Variants in MAD1L1 observed in about 807,000 individuals in gnomAD.
MAD1L1 encodes mitotic spindle assembly checkpoint protein MAD1.
A neutral mutation model predicts 96.9 loss-of-function variants in MAD1L1; 95 were observed. The ratio of observed to expected loss-of-function variants is 0.98; its 90% CI spans 0.83 to 1.16. The LOEUF (loss-of-function observed/expected upper bound fraction) is 1.16. Among genes scored for constraint, MAD1L1 ranks in the 50% most tolerant of loss-of-function variants. MAD1L1 has a pLI of 0.00. For missense variants in MAD1L1, 1,007 were observed against 954.4 expected (o/e 1.06, Z -0.73); for synonymous variants, 473 against 396.6 (o/e 1.19, Z -2.29).
At chr7:2,220,655 C>T (rs909496710) in intron 5 of MAD1L1, among the ~76,000 whole-genome samples, 41 of 152,210 alleles carry the variant, frequency 2.7e-4, no homozygotes, top group South Asian at 2.1e-4. Context: ...TCCCTGAGAA[C>T]GTGCCCAGCT....
At chr7:2,151,070 C>T (rs748246722) in intron 10 of MAD1L1, among the ~76,000 whole-genome samples, 11 of 152,230 alleles carry the variant, frequency 7.2e-5, no homozygotes, top group Admixed American at 1.3e-4. Flanking sequence ...TGACCATTCT[C>T]TCCAGTTTCC....
intron 12 of MAD1L1, among the ~76,000 whole-genome samples, chr7:2,058,765 G>A (rs1784496898): frequency 1.6e-5 from 2 of 121,706 alleles, no homozygotes; most frequent in Admixed American, 7.9e-5. Flanking sequence ...AAGCAGGGCT[G>A]GAGAGGGAGT....
chr7:1,905,142 T>C (rs1349107541), intron 17 of MAD1L1, among the ~76,000 whole-genome samples: 176 of 39,746 alleles, frequency 4.4e-3, no homozygotes, highest in Middle Eastern at 0.037. Flanking sequence ...TCTCGCGGAA[T>C]TCATGATTGA....
chr7:1,853,638 C>T (rs1784092529), intron 18 of MAD1L1, among the ~76,000 whole-genome samples: 1 of 152,202 alleles, frequency 6.6e-6, no homozygotes, highest in Non-Finnish European at 1.5e-5. Context: ...CCCCGCCGCC[C>T]TGCACACCCA....
At position 1,887,691 on chromosome 7, in the gene MAD1L1, G is replaced by A. The variant is rs370341776; in HGVS notation, c.1998+10509C>T. Among the ~76,000 whole-genome samples the A allele has an allele frequency of 2.1e-4, 32 of 151,470 alleles. 1 individual carries two copies. The East Asian group carries it at 4.5e-3, about 21-fold the overall frequency. On this transcript the variant is annotated intron_variant, in intron 18 of 18. Coordinates refer to ENST00000265854, the MANE Select transcript of MAD1L1 (RefSeq NM_001013836.2). Reference sequence around the variant, plus strand: ...TGTGTGAGCATGAATGCATGTGGGTGGCTGTGCATGCATAGGCATGTGTGT... The same window carrying A: ...TGTGTGAGCATGAATGCATGTGGGTAGCTGTGCATGCATAGGCATGTGTGT...
intron 11 of MAD1L1, among the ~76,000 whole-genome samples, chr7:2,095,769 A>G (rs546586236): frequency 1.3e-5 from 2 of 152,230 alleles, no homozygotes; most frequent in Admixed American, 1.3e-4. Context: ...TGAGGAGAGG[A>G]GGGCAAGGAC....
At chr7:2,096,092 C>A (rs566491644) in intron 11 of MAD1L1, among the ~76,000 whole-genome samples, 3 of 152,070 alleles carry the variant, frequency 2.0e-5, no homozygotes, top group South Asian at 2.1e-4. Context: ...GCAAGGCCGG[C>A]GGCCAAGGTG....
intron 12 of MAD1L1, among the ~76,000 whole-genome samples, chr7:2,052,997 G>A (rs1233559386): frequency 6.6e-6 from 1 of 152,182 alleles, no homozygotes; most frequent in Non-Finnish European, 1.5e-5. Flanking sequence ...CCTGAGGAGG[G>A]AACGGGTGGG....
intron 18 of MAD1L1, among the ~76,000 whole-genome samples, chr7:1,816,540 C>T (rs1689846244): frequency 6.6e-6 from 1 of 152,152 alleles, no homozygotes; most frequent in Admixed American, 6.5e-5. Flanking sequence ...GGCTCCAGCA[C>T]CTGTGCCAGG....
intron 10 of MAD1L1, among the ~76,000 whole-genome samples, chr7:2,184,782 A>G (rs1005032386): frequency 1.3e-5 from 2 of 152,172 alleles, no homozygotes; most frequent in African/African-American, 4.8e-5. Flanking sequence ...CAGGCGGATC[A>G]CCTGAAGTCA....
chr7:2,231,968 G>A (rs1429992040), intron 1 of MAD1L1, among the ~76,000 whole-genome samples: 2 of 152,182 alleles, frequency 1.3e-5, no homozygotes, highest in African/African-American at 4.8e-5. Context: ...AGTCTCAACA[G>A]GGTGGTGAAT....
intron 16 of MAD1L1, among the ~76,000 whole-genome samples, chr7:1,950,551 C>T (rs557292010): frequency 2.0e-5 from 3 of 152,224 alleles, no homozygotes; most frequent in East Asian, 1.9e-4. Context: ...AAACCCCAAT[C>T]GTCAGAAGGG....
At chr7:1,983,402 C>A (rs1345747041) in intron 14 of MAD1L1, among the ~76,000 whole-genome samples, 1 of 152,168 alleles carries the variant, frequency 6.6e-6, no homozygotes, top group African/African-American at 2.4e-5. Flanking sequence ...AATTTTGGGA[C>A]AACGTTTTTC....
chr7:2,122,394 G>A (rs1460663732), intron 11 of MAD1L1, among the ~76,000 whole-genome samples: 1 of 152,160 alleles, frequency 6.6e-6, no homozygotes, highest in Non-Finnish European at 1.5e-5. Flanking sequence ...TTAGTAGGCC[G>A]AGGCAGGCAG....
At chr7:2,097,793 C>G (rs1258844116) in intron 11 of MAD1L1, among the ~76,000 whole-genome samples, 1 of 152,190 alleles carries the variant, frequency 6.6e-6, no homozygotes, top group Non-Finnish European at 1.5e-5. Flanking sequence ...GGCCTTGAGG[C>G]TGCAGAGGCG....
intron 10 of MAD1L1, chr7:2,175,205 C>G (rs761185021): frequency 2.7e-4 from 41 of 152,258 alleles, no homozygotes; most frequent in Non-Finnish European, 5.1e-4. Context: ...CGCCTAATGC[C>G]CGCCCCGGCT....
Position 1,837,040 on chromosome 7 carries a change from T to C in MAD1L1, c.1999-20812A>G, listed in dbSNP as rs945536961. On this transcript the variant is annotated intron_variant, in intron 18 of 18. Transcript: ENST00000265854. ...AGAGAATGAAAAGACATGTCATATA[T>C]AAGGAGAGAACACCAGCAATGTACA... Among the ~76,000 whole-genome samples the C allele has an allele frequency of 1.1e-4, 16 of 152,170 alleles. No individual in the cohort carries two copies. The South Asian group carries it at 1.2e-3, about 12-fold the overall frequency.
At chr7:1,850,949 G>A (rs570953431) in intron 18 of MAD1L1, among the ~76,000 whole-genome samples, 2 of 152,352 alleles carry the variant, frequency 1.3e-5, no homozygotes, top group Admixed American at 1.3e-4. Context: ...AGCAGGAAGA[G>A]ACACGAGAAG....
At chr7:1,841,310 C>G (rs573066191) in intron 18 of MAD1L1, among the ~76,000 whole-genome samples, 2 of 152,234 alleles carry the variant, frequency 1.3e-5, no homozygotes, top group East Asian at 3.8e-4. Flanking sequence ...GCGTCTCGCC[C>G]GGCTGCATCT....
Sources: allele counts gnomAD v4.1 joint callset (sites outside exome capture counted in the v4.1 genomes callset), GRCh38; gene constraint gnomAD v4.1.1; transcripts MANE v1.5; gene names NCBI Gene and HGNC (gene_info 2026-07-23, HGNC 2026-07-21).